MAPRE2: variants seen among roughly 807,000 people sequenced by gnomAD.
The protein encoded by MAPRE2 is microtubule-associated protein RP/EB family member 2.
Under a neutral mutation model 43.2 loss-of-function variants are expected in MAPRE2, and 13 were observed. That is an observed-to-expected ratio of 0.30 (90% CI 0.20 to 0.48). The LOEUF is 0.48. Ranked by LOEUF, MAPRE2 falls within the 20% of genes least tolerant of loss-of-function variation. MAPRE2 has a pLI of 0.99. For missense variants in MAPRE2, 161 were observed against 400.2 expected (o/e 0.40, Z 5.10); for synonymous variants, 135 against 148.8 (o/e 0.91, Z 0.68).
intron 1 of MAPRE2, among the ~76,000 whole-genome samples, chr18:34,986,894 A>G (rs1303337729): frequency 1.3e-5 from 2 of 152,074 alleles, no homozygotes; most frequent in Non-Finnish European, 2.9e-5. Flanking sequence ...TTTAATTTTT[A>G]TTTTTGCTAA....
At chr18:35,031,399 C>A (rs1011299396) in intron 2 of MAPRE2, among the ~76,000 whole-genome samples, 1 of 152,188 alleles carries the variant, frequency 6.6e-6, no homozygotes, top group Non-Finnish European at 1.5e-5. Context: ...TTCATTATAA[C>A]TTTTATCACA....
chr18:35,081,012 A>G (rs1907604828), intron 2 of MAPRE2, among the ~76,000 whole-genome samples: 1 of 152,246 alleles, frequency 6.6e-6, no homozygotes, highest in Non-Finnish European at 1.5e-5. Flanking sequence ...TTCTCTTCGC[A>G]TTCTGCATGA....
intron 2 of MAPRE2, among the ~76,000 whole-genome samples, chr18:35,091,933 C>T (rs2144153277): frequency 6.6e-6 from 1 of 152,312 alleles, no homozygotes; most frequent in Middle Eastern, 3.4e-3. Flanking sequence ...TACATATTGG[C>T]TTCTGCTTCT....
At chr18:35,108,915 C>G (rs1292222101) in intron 4 of MAPRE2, among the ~76,000 whole-genome samples, 1 of 152,088 alleles carries the variant, frequency 6.6e-6, no homozygotes, top group African/African-American at 2.4e-5. Flanking sequence ...TTCTCCCATT[C>G]TGTAGGTTGC....
At chr18:35,055,990 A>G (rs1906210617) in intron 1 of MAPRE2, among the ~76,000 whole-genome samples, 1 of 152,000 alleles carries the variant, frequency 6.6e-6, no homozygotes, top group African/African-American at 2.4e-5. Context: ...GGAAGATATG[A>G]ATATGAGTGT....
At chr18:34,992,621 T>G (rs1036049100) in intron 1 of MAPRE2, among the ~76,000 whole-genome samples, 6 of 152,198 alleles carry the variant, frequency 3.9e-5, no homozygotes, top group Admixed American at 3.9e-4. Context: ...GAAAATAGAG[T>G]GGGAACTATA....
chr18:35,010,030 G>A (rs1053038477), intron 2 of MAPRE2, among the ~76,000 whole-genome samples: 2 of 152,032 alleles, frequency 1.3e-5, no homozygotes, highest in African/African-American at 2.4e-5. Flanking sequence ...TATAATAAAA[G>A]CAATAAGATA....
chr18:35,053,014 AC>A (rs1568985646), intron 1 of MAPRE2, among the ~76,000 whole-genome samples: 1 of 146,866 alleles, frequency 6.8e-6, no homozygotes, highest in Non-Finnish European at 1.5e-5. Flanking sequence ...CCCCCCACAC[AC>A]ACACACAAAA....
In MAPRE2 at chr18:35,140,112, G is replaced by GTGATCATTACATA. The variant is rs1910562307; in HGVS notation, c.910-183_910-182insTGATCATTACATA. On this transcript the variant is annotated intron_variant, in intron 6 of 6. Transcript: ENST00000300249. ...TCTTTGATCACATGGGGAAGCTAAG[G>GTGATCATTACATA]CGCCCCTGCATATGTATCAGACACC... Among the ~76,000 whole-genome samples the GTGATCATTACATA allele has an allele frequency of 3.9e-5, 6 of 152,330 alleles. No individual in the cohort carries two copies. The South Asian group carries it at 1.2e-3, about 32-fold the overall frequency.
intron 2 of MAPRE2, among the ~76,000 whole-genome samples, chr18:35,087,204 A>G (rs1185704315): frequency 2.6e-5 from 4 of 152,122 alleles, no homozygotes; most frequent in Non-Finnish European, 4.4e-5. Flanking sequence ...ATGTATAACA[A>G]CTGAAACCAA....
chr18:35,028,867 C>T (rs2097046521), intron 2 of MAPRE2, among the ~76,000 whole-genome samples: 2 of 152,186 alleles, frequency 1.3e-5, no homozygotes. Flanking sequence ...TAGAGAAGTT[C>T]ATTCCAAGCA....
intron 2 of MAPRE2, among the ~76,000 whole-genome samples, chr18:35,012,070 T>G (rs897661754): frequency 6.6e-6 from 1 of 152,104 alleles, no homozygotes; most frequent in Non-Finnish European, 1.5e-5. Context: ...AGTGCTGTGG[T>G]TGGCAGAAGA....
intron 1 of MAPRE2, among the ~76,000 whole-genome samples, chr18:34,979,114 C>A (rs2097014754): frequency 6.6e-6 from 1 of 152,176 alleles, no homozygotes; most frequent in Non-Finnish European, 1.5e-5. Context: ...GACTAACACC[C>A]TGGGGCGGGG....
intron 1 of MAPRE2, chr18:34,978,644 C>A (rs2097014494): frequency 1.0e-6 from 1 of 993,504 alleles, no homozygotes; most frequent in South Asian, 1.4e-5. Context: ...TAGCCAGTGT[C>A]CCCTCTGGAA....
chr18:35,120,621 G>T (rs1197121365), intron 4 of MAPRE2, among the ~76,000 whole-genome samples: 1 of 152,176 alleles, frequency 6.6e-6, no homozygotes, highest in African/African-American at 2.4e-5. Flanking sequence ...CCCTATTGCA[G>T]TATGAGGGCT....
chr18:35,005,579 A>C, intron 2 of MAPRE2: 2 of 1,425,580 alleles, frequency 1.4e-6, no homozygotes, highest in East Asian at 2.5e-5. Flanking sequence ...ATTACGTTGC[A>C]TGACTCCTTG....
At chr18:34,990,034 T>A (rs1453175643) in intron 1 of MAPRE2, among the ~76,000 whole-genome samples, 1 of 152,136 alleles carries the variant, frequency 6.6e-6, no homozygotes, top group Non-Finnish European at 1.5e-5. Context: ...CATTTCCACA[T>A]CCCCAGATTC....
chr18:35,026,816 G>C (rs59975871), intron 2 of MAPRE2, among the ~76,000 whole-genome samples: 1,780 of 152,260 alleles, frequency 0.012, 34 homozygotes, highest in African/African-American at 0.04. Flanking sequence ...CATGGGCATG[G>C]CTGGGGATAG....
intron 1 of MAPRE2, among the ~76,000 whole-genome samples, chr18:35,049,447 A>C (rs1905820451): frequency 6.6e-6 from 1 of 152,182 alleles, no homozygotes; most frequent in Non-Finnish European, 1.5e-5. Flanking sequence ...AGTTTAAGCC[A>C]AAAATCCTTC....
Sources: allele counts gnomAD v4.1 joint callset (sites outside exome capture counted in the v4.1 genomes callset), GRCh38; gene constraint gnomAD v4.1.1; transcripts MANE v1.5; gene names NCBI Gene and HGNC (gene_info 2026-07-23, HGNC 2026-07-21).